PAICS: variants seen among roughly 807,000 people sequenced by gnomAD.
The protein encoded by PAICS is phosphoribosylaminoimidazole carboxylase and phosphoribosylaminoimidazolesuccinocarboxamide synthase.
A neutral mutation model predicts 53.7 loss-of-function variants in PAICS; 33 were observed. The ratio of observed to expected loss-of-function variants is 0.61; its 90% CI spans 0.47 to 0.82. The LOEUF is 0.82. PAICS is among the 40% of genes least tolerant of loss of function. The pLI is 0.00. For synonymous variants in PAICS, 141 were observed against 167.2 expected (o/e 0.84, Z 1.21); for missense variants, 394 against 494.1 (o/e 0.80, Z 1.92).
At chr4:56,452,117 T>C (rs1225619939) in intron 7 of PAICS, 65 bp downstream of exon 7, 13 of 1,006,670 alleles carry the variant, frequency 1.3e-5, no homozygotes, top group Admixed American at 8.0e-5. Flanking sequence ...TTACACACTT[T>C]AGACTAATAA....
chr4:56,459,507 C>G lies in PAICS; in HGVS notation c.1247C>G (p.Ala416Gly). The change falls in exon 9 of 9, where the codon GCT becomes GGT. Residue 416 changes from alanine (A) to glycine (G), a missense_variant. By Grantham distance (60) the Ala-to-Gly change is moderately conservative. Coordinates refer to ENST00000512576, the MANE Select transcript of PAICS (RefSeq NM_001079524.2). ...AACACATGGATTTCCTTGAAGCAGGCTGACAAGAAAATCAGAGAATGTAAT... is the reference window on the plus strand; with the variant it reads ...AACACATGGATTTCCTTGAAGCAGGGTGACAAGAAAATCAGAGAATGTAAT... ...ILNTWISLKQ[A>G]DKKIRECNL 1 of 1,575,656 alleles carries G rather than the reference C, an allele frequency of 6.3e-7. No homozygotes were observed. Among genetic ancestry groups the G allele is most frequent in the South Asian group, 1.2e-5 (1 of 86,928 alleles).
the PAICS span, chr4:56,429,054 G>T: frequency 3.9e-6 from 2 of 518,286 alleles, no homozygotes; most frequent in Non-Finnish European, 5.0e-6. Context: ...GAAACAACTT[G>T]TTGCTTTTTC....
At chr4:56,435,803 C>A (rs116748832), upstream of PAICS, 712 of 1,515,018 alleles carry the variant, frequency 4.7e-4, 8 homozygotes, top group African/African-American at 8.8e-3. Context: ...ACGTGGAAAT[C>A]TCCGTTATTT....
In PAICS at chr4:56,441,942, T is replaced by C. The variant is rs1718367442; in HGVS notation, c.214+82T>C. The C allele has an allele frequency of 3.9e-5, 36 of 916,090 alleles. No individual in the cohort carries two copies. In the South Asian group the frequency reaches 6.7e-4, roughly 17 times the overall value. 56.7% of individuals were successfully genotyped at this position (916,090 alleles called of 1,614,324 possible). ...CTTTCATGTGAAGTTGGCATTAATA[T>C]GAACAACTTGTTTGCAGATGTCTCA... On this transcript the variant is annotated intron_variant, in intron 2 of 8. Coordinates refer to ENST00000512576, the MANE Select transcript of PAICS (RefSeq NM_001079524.2).
intron 8 of PAICS, among the ~76,000 whole-genome samples, chr4:56,457,534 T>C (rs1295515337): frequency 1.3e-5 from 2 of 152,214 alleles, no homozygotes; most frequent in Admixed American, 1.3e-4. Flanking sequence ...GTCAGTCATC[T>C]TCTTCTTAGT....
At chr4:56,431,522 T>C (rs1263335538), upstream of PAICS, 2 of 981,726 alleles carry the variant, frequency 2.0e-6, no homozygotes, top group Admixed American at 6.2e-5. Flanking sequence ...AGAATGTTTC[T>C]GCAGACAGAA....
upstream of PAICS, chr4:56,431,322 A>T: frequency 2.8e-6 from 1 of 356,562 alleles, no homozygotes; most frequent in African/African-American, 2.2e-5. Flanking sequence ...AAACTAAATG[A>T]AGATTAACTG....
intron 8 of PAICS, among the ~76,000 whole-genome samples, chr4:56,457,892 T>C (rs1343577197): frequency 3.9e-5 from 6 of 152,156 alleles, no homozygotes; most frequent in Non-Finnish European, 8.8e-5. Flanking sequence ...GTTACTGCTG[T>C]TATCTGGCCT....
rs1406186289 is a variant in PAICS at position 56,460,247 on chromosome 4, CAG to C, written c.*711_*712del. The stretch of plus-strand genomic sequence containing the variant: ...TGTCCCATGGGCACTCATGAAAAAA[CAG>C]AATGCTCCCAACTTTATTCATCTTC... On this transcript the variant is annotated 3_prime_UTR_variant, in exon 9 of 9. Coordinates refer to ENST00000512576, the MANE Select transcript of PAICS (RefSeq NM_001079524.2). The C allele has an allele frequency of 6.6e-6, 1 of 152,188 alleles. No individual in the cohort carries two copies. The highest frequency in any genetic ancestry group is 1.5e-5 in the Non-Finnish European group (1 of 68,060). 9.4% of individuals were successfully genotyped at this position (152,188 alleles called of 1,614,324 possible).
chr4:56,431,995 G>A (rs751780367), upstream of PAICS, among the ~76,000 whole-genome samples: 1 of 152,192 alleles, frequency 6.6e-6, no homozygotes, highest in African/African-American at 2.4e-5. Flanking sequence ...AAGACAGCCA[G>A]AACTACTAAA....
At chr4:56,456,240 C>T (rs1173992614) in intron 8 of PAICS, among the ~76,000 whole-genome samples, 3 of 152,098 alleles carry the variant, frequency 2.0e-5, no homozygotes, top group Non-Finnish European at 4.4e-5. Context: ...TATAGGTATG[C>T]ACCACCACGC....
chr4:56,446,341 AATTTGCCTATTCTAGTTACCTC>A (rs761217137), intron 2 of PAICS: 2 of 717,548 alleles, frequency 2.8e-6, no homozygotes, highest in Non-Finnish European at 5.2e-6. Flanking sequence ...TTTCTGTCTG[AATTTGCCTATTCTAGTTACCTC>A]ATATAAGTCA....
upstream of PAICS, among the ~76,000 whole-genome samples, chr4:56,433,084 T>C (rs1224101001): frequency 1.3e-5 from 2 of 151,638 alleles, no homozygotes; most frequent in Non-Finnish European, 2.9e-5. Context: ...CAGCAGATAA[T>C]TGTATTTCCA....
At chr4:56,443,694 G>C (rs1004087235) in intron 2 of PAICS, among the ~76,000 whole-genome samples, 1 of 152,174 alleles carries the variant, frequency 6.6e-6, no homozygotes, top group Non-Finnish European at 1.5e-5. Flanking sequence ...TATTTTCTGA[G>C]TGTATTTACA....
intron 2 of PAICS, chr4:56,446,341 AATTTGCCT>A: frequency 1.4e-6 from 1 of 717,668 alleles, no homozygotes; most frequent in Non-Finnish European, 2.6e-6. Flanking sequence ...TTTCTGTCTG[AATTTGCCT>A]ATTCTAGTTA....
At chr4:56,435,243 G>A (rs1303899422), upstream of PAICS, 3 of 1,512,324 alleles carry the variant, frequency 2.0e-6, no homozygotes, top group African/African-American at 1.4e-5. Flanking sequence ...TTAGGTCGGA[G>A]AGGTCGGTCC....
At chr4:56,419,586 A>C in the PAICS span, 1 of 771,618 alleles carries the variant, frequency 1.3e-6, no homozygotes, top group Non-Finnish European at 1.6e-6. Context: ...TATAATGCAT[A>C]TATCTTTTAC....
At chr4:56,420,266 T>G in the PAICS span, 1 of 152,368 alleles carries the variant, frequency 6.6e-6, no homozygotes. Flanking sequence ...AAGCTAATTT[T>G]ATGCAATATT....
chr4:56,410,575 C>T, the PAICS span: 1 of 985,776 alleles, frequency 1.0e-6, no homozygotes, highest in African/African-American at 1.7e-5. Context: ...TGCTAAGTGT[C>T]TGGGCAGAAA....
Sources: gnomAD v4.1 joint callset for allele counts (sites outside exome capture counted in the v4.1 genomes callset) on GRCh38, gnomAD v4.1.1 for gene constraint, MANE v1.5 for transcripts, NCBI Gene and HGNC (gene_info 2026-07-23, HGNC 2026-07-21) for gene names.